The following OSGEPL1 variants were observed in gnomAD, a reference collection of about 807,000 sequenced individuals.
OSGEPL1 encodes tRNA N6-adenosine threonylcarbamoyltransferase, mitochondrial.
A neutral mutation model predicts 37.2 loss-of-function variants in OSGEPL1; 26 were observed. That is an observed-to-expected ratio of 0.70 (90% CI 0.51 to 0.97). OSGEPL1 has a LOEUF of 0.97. OSGEPL1 is among the 50% of genes least tolerant of loss of function. OSGEPL1 has a pLI of 0.00. For synonymous variants in OSGEPL1, 140 were observed against 159.9 expected, an observed-to-expected ratio of 0.88 and a Z score of 0.94; for missense variants, 404 against 487.0, an observed-to-expected ratio of 0.83 and a Z score of 1.60.
chr2:189,757,740 T>C (rs930598065), intron 2 of OSGEPL1, among the ~76,000 whole-genome samples: 4 of 152,236 alleles, frequency 2.6e-5, no homozygotes, highest in Non-Finnish European at 5.9e-5. Flanking sequence ...GTCTCATTTA[T>C]ATTTGTATCC....
chr2:189,754,472 T>C, intron 3 of OSGEPL1, 127 bp from the exon 4 acceptor site: 1 of 874,390 alleles, frequency 1.1e-6, no homozygotes. Context: ...ATGCTATACT[T>C]TGGCAAATAT....
At chr2:189,756,242 G>A (rs2046065786) in intron 2 of OSGEPL1, among the ~76,000 whole-genome samples, 1 of 152,198 alleles carries the variant, frequency 6.6e-6, no homozygotes. Flanking sequence ...CTCAGAGTTT[G>A]TAATTTGGAT....
At chr2:189,747,904 T>C (rs959993484) in intron 8 of OSGEPL1, among the ~76,000 whole-genome samples, 1 of 152,118 alleles carries the variant, frequency 6.6e-6, no homozygotes, top group Non-Finnish European at 1.5e-5. Context: ...CAGGCTGGTC[T>C]TGAACTCCTG....
chr2:189,754,687 TTTTGTTTG>T (rs541427954), intron 3 of OSGEPL1: 8 of 260,598 alleles, frequency 3.1e-5, no homozygotes, highest in African/African-American at 9.2e-5. Flanking sequence ...GGAAGCAGTG[TTTTGTTTG>T]TTTGTTTGTT....
intron 1 of OSGEPL1, among the ~76,000 whole-genome samples, chr2:189,761,927 T>C (rs1001692537): frequency 7.2e-5 from 11 of 152,290 alleles, no homozygotes; most frequent in Non-Finnish European, 1.6e-4. Flanking sequence ...AGACAGCTAA[T>C]ATAAAGTACA....
intron 2 of OSGEPL1, among the ~76,000 whole-genome samples, chr2:189,757,747 ATCCC>A (rs1218610780): frequency 6.6e-6 from 1 of 152,238 alleles, no homozygotes; most frequent in African/African-American, 2.4e-5. Flanking sequence ...TTATATTTGT[ATCCC>A]AAATGCCCTA....
chr2:189,753,983 T>C lies in OSGEPL1; in HGVS notation c.896A>G (p.Lys299Arg), dbSNP rs764954925. The C allele has an allele frequency of 1.2e-6, 2 of 1,613,842 alleles. No individual in the cohort carries two copies. Among genetic ancestry groups the C allele is most frequent in the Admixed American group, 1.7e-5 (1 of 60,020 alleles). The change falls in exon 5 of 9, where the codon AAA becomes AGA. Residue 299 changes from lysine to arginine, a missense_variant. Coordinates refer to ENST00000264151, the MANE Select transcript of OSGEPL1 (RefSeq NM_022353.3). ...VQHTMACHLV[K>R]RTHRAILFCK... ...AAACAGAATAGCCCGATGTGTTCTT[T>C]TCACAAGATGACATGCCATTGTGTG...
chr2:189,763,174 T>G, upstream of OSGEPL1: 1 of 985,272 alleles, frequency 1.0e-6, no homozygotes, highest in East Asian at 1.1e-4. Context: ...CCTGATACTT[T>G]CATCGGAGAA....
intron 8 of OSGEPL1, 99 bp downstream of exon 8, chr2:189,750,451 G>GA: frequency 5.3e-5 from 1 of 18,870 alleles, no homozygotes; most frequent in African/African-American, 1.2e-3. Context: ...ACATCAAATA[G>GA]AAAAAAAAAA....
chr2:189,747,483 A>G (rs969194283), intron 8 of OSGEPL1, among the ~76,000 whole-genome samples: 2 of 152,208 alleles, frequency 1.3e-5, no homozygotes, highest in African/African-American at 4.8e-5. Context: ...CATCAAGTAC[A>G]TGAGTATGGC....
chr2:189,762,841 T>A (rs760906123), upstream of OSGEPL1: 195 of 985,324 alleles, frequency 2.0e-4, no homozygotes, highest in Non-Finnish European at 2.3e-4. Flanking sequence ...GCTGTTCCGC[T>A]AGCGAGCGGC....
chr2:189,758,210 C>G (rs1476284446), intron 2 of OSGEPL1, among the ~76,000 whole-genome samples: 1 of 152,054 alleles, frequency 6.6e-6, no homozygotes, highest in Non-Finnish European at 1.5e-5. Flanking sequence ...GGAGAAACCC[C>G]ATCTCTACTA....
chr2:189,751,588 G>A (rs1455540422), intron 7 of OSGEPL1, among the ~76,000 whole-genome samples: 1 of 151,428 alleles, frequency 6.6e-6, no homozygotes, highest in African/African-American at 2.4e-5. Flanking sequence ...GCGATTACAG[G>A]TGCCTGCCAC....
chr2:189,755,044 G>T, intron 3 of OSGEPL1, 129 bp downstream of exon 3: 1 of 1,089,494 alleles, frequency 9.2e-7, no homozygotes, highest in Non-Finnish European at 1.3e-6. Flanking sequence ...CTCACCATAT[G>T]TGAATTTTTT....
chr2:189,757,978 A>G (rs921563410), intron 2 of OSGEPL1, among the ~76,000 whole-genome samples: 1 of 152,210 alleles, frequency 6.6e-6, no homozygotes, highest in Non-Finnish European at 1.5e-5. Context: ...GTAGAATGGT[A>G]ATTCCCAATG....
intron 6 of OSGEPL1, 48 bp downstream of exon 6, chr2:189,752,801 T>C (rs2045482030): frequency 6.2e-7 from 1 of 1,613,190 alleles, no homozygotes. Flanking sequence ...AAAATGGCAA[T>C]TAATATTTAC....
At chr2:189,752,090 G>C (rs2045351443) in intron 7 of OSGEPL1, among the ~76,000 whole-genome samples, 1 of 151,772 alleles carries the variant, frequency 6.6e-6, no homozygotes, top group Non-Finnish European at 1.5e-5. Flanking sequence ...GTTGCAGTGA[G>C]CCGAGAATGC....
Position 189,753,917 on chromosome 2 carries a change from A to T in OSGEPL1, c.962T>A (p.Leu321Gln), listed in dbSNP as rs772012980. Residue 321 changes from leucine to glutamine, a missense_variant and splice_region_variant, in exon 5 of 9, where the codon CTG becomes CAG. Transcript: ENST00000264151. ...RDLLPQNNAVLVASGGVASNF... is the reference protein window; with the variant it reads ...RDLLPQNNAVQVASGGVASNF... ...ACTATAAAATGAGATAAAACTTACCAGTACTGCATTATTTTGAGGTAACAA... is the reference window on the plus strand; with the variant it reads ...ACTATAAAATGAGATAAAACTTACCTGTACTGCATTATTTTGAGGTAACAA... 1 of 1,612,970 alleles carries T rather than the reference A, an allele frequency of 6.2e-7. No individual in the cohort carries two copies. Among genetic ancestry groups the T allele is most frequent in the Non-Finnish European group, 8.5e-7 (1 of 1,179,648 alleles).
chr2:189,753,940 C>A lies in OSGEPL1; in HGVS notation c.939G>T (p.Leu313Phe), dbSNP rs756276132. ...RAILFCKQRDLLPQNNAVLVA... is the reference protein window; with the variant it reads ...RAILFCKQRDFLPQNNAVLVA... ...CCAGTACTGCATTATTTTGAGGTAA[C>A]AAGTCTCTCTGCTTACAAAACAGAA... Residue 313 changes from leucine (L) to phenylalanine (F), a missense_variant, in exon 5 of 9, where the codon TTG (leucine) becomes TTT (phenylalanine). By Grantham distance (22) the Leu-to-Phe change is conservative. Transcript: ENST00000264151. The A allele has an allele frequency of 5.0e-6, 8 of 1,613,652 alleles. No individual in the cohort carries two copies. Among genetic ancestry groups the A allele is most frequent in the Non-Finnish European group, 6.8e-6 (8 of 1,179,778 alleles).
Sources: gnomAD v4.1 joint callset for allele counts (sites outside exome capture counted in the v4.1 genomes callset) on GRCh38, gnomAD v4.1.1 for gene constraint, MANE v1.5 for transcripts, NCBI Gene and HGNC (gene_info 2026-07-23, HGNC 2026-07-21) for gene names.